Variants in LAMB1 observed in about 807,000 individuals in gnomAD.
LAMB1 encodes laminin subunit beta 1.
LAMB1 carries 121 observed loss-of-function variants against 222.3 expected under a neutral mutation model. That is an observed-to-expected ratio of 0.54 (90% confidence interval 0.47 to 0.63). The LOEUF is 0.63. LAMB1 is among the 30% of genes least tolerant of loss of function. The pLI is 0.00. For synonymous variants in LAMB1, 794 were observed against 807.2 expected, an observed-to-expected ratio of 0.98 and a Z score of 0.28; for missense variants, 2,172 against 2,240.8, an observed-to-expected ratio of 0.97 and a Z score of 0.62.
In LAMB1 at chr7:107,936,945, T is replaced by G. The variant is rs10249141; in HGVS notation, c.3946+148A>C. The G allele has an allele frequency of 0.21, 130,712 of 628,724 alleles. 16,063 individuals are homozygous for G. The highest frequency in any genetic ancestry group is 0.51 in the East Asian group (17,962 of 35,292). 38.9% of individuals were successfully genotyped at this position (628,724 alleles called of 1,614,324 possible). On this transcript the variant is annotated intron_variant, in intron 26 of 33. Coordinates refer to ENST00000222399, the MANE Select transcript of LAMB1 (RefSeq NM_002291.3). ...GTCCCACATTTGTAAAATGGGGACT[T>G]TGATCCTCATTTGTGCCAGAAACTG...
At chr7:108,001,427 C>A in intron 3 of LAMB1, 131 bp downstream of exon 3, 1 of 1,016,506 alleles carries the variant, frequency 9.8e-7, no homozygotes, top group Non-Finnish European at 1.4e-6. Context: ...CAAGCCTAAT[C>A]CCGGGACTCC....
chr7:107,958,097 T>C (rs1235321667), intron 20 of LAMB1, among the ~76,000 whole-genome samples: 2 of 152,220 alleles, frequency 1.3e-5, no homozygotes, highest in African/African-American at 4.8e-5. Flanking sequence ...TGTTAATCTT[T>C]TTCTCATGTC....
intron 3 of LAMB1, among the ~76,000 whole-genome samples, chr7:108,000,176 C>T (rs907373771): frequency 6.7e-6 from 1 of 148,770 alleles, no homozygotes; most frequent in African/African-American, 2.5e-5. Flanking sequence ...GAAACTAGTA[C>T]TGGAGAACAA....
At chr7:107,982,358 A>G (rs572054487) in intron 7 of LAMB1, among the ~76,000 whole-genome samples, 4 of 152,236 alleles carry the variant, frequency 2.6e-5, no homozygotes, top group Non-Finnish European at 2.9e-5. Flanking sequence ...GGCCCAGTAC[A>G]TCAGATATTT....
chr7:107,996,422 C>G (rs186002671), intron 4 of LAMB1, among the ~76,000 whole-genome samples: 23 of 152,284 alleles, frequency 1.5e-4, no homozygotes, highest in Non-Finnish European at 2.9e-4. Context: ...ACATTCCAAG[C>G]TCGTTTCTGT....
intron 5 of LAMB1, among the ~76,000 whole-genome samples, chr7:107,993,247 C>T (rs2034219215): frequency 6.6e-6 from 1 of 152,186 alleles, no homozygotes; most frequent in South Asian, 2.1e-4. Context: ...GATTCTCCTG[C>T]CTCGGCCTCC....
In LAMB1 at chr7:107,953,669, G is replaced by A; in HGVS notation, c.2940C>T (p.Asn980=). 6.2e-7 allele frequency: 1 copy of A among 1,614,164 alleles called. No individual in the cohort carries two copies. Among genetic ancestry groups the A allele is most frequent in the Non-Finnish European group, 8.5e-7 (1 of 1,180,014 alleles). The part of the protein sequence containing the change: ...GGSCQPCQCH[N]NIDTTDPEAC... ...CTTCTGGGTCTGTCGTGTCAATGTT[G>A]TTGTGACACTGGCAAGGCTGACACG... Residue 980 remains asparagine, a synonymous_variant, in exon 22 of 34, where the codon AAC becomes AAT. Coordinates refer to ENST00000222399, the MANE Select transcript of LAMB1 (RefSeq NM_002291.3).
chr7:107,960,991 G>C (rs2033485515), intron 17 of LAMB1, among the ~76,000 whole-genome samples: 1 of 152,196 alleles, frequency 6.6e-6, no homozygotes, highest in African/African-American at 2.4e-5. Flanking sequence ...ACTACGCCTA[G>C]TGAAATGCTG....
At chr7:107,945,536 GT>G (rs2033096806) in intron 24 of LAMB1, among the ~76,000 whole-genome samples, 1 of 152,198 alleles carries the variant, frequency 6.6e-6, no homozygotes. Flanking sequence ...TGTTGTCTGT[GT>G]TGTCCTTTAG....
At chr7:107,971,325 G>T (rs929888727) in intron 13 of LAMB1, among the ~76,000 whole-genome samples, 1 of 152,040 alleles carries the variant, frequency 6.6e-6, no homozygotes, top group South Asian at 2.1e-4. Context: ...TACCTACAAC[G>T]TATTTCTTTT....
rs2032706108 is a variant in LAMB1, at chr7:107,931,371, T to C, written c.4522A>G (p.Arg1508Gly). The C allele has an allele frequency of 6.2e-7, 1 of 1,612,918 alleles. No individual in the cohort carries two copies. The part of the protein sequence containing the change: ...EELRNLIKQI[R>G]NFLTQDSADL... ...AATTTCTTACGGGTCAAAAAGTTTCTGATTTGCTTGATTAGATTTCTCAGC... is the reference window on the plus strand; with the variant it reads ...AATTTCTTACGGGTCAAAAAGTTTCCGATTTGCTTGATTAGATTTCTCAGC... The change falls in exon 29 of 34, where the codon AGA becomes GGA. Residue 1508 changes from arginine (R) to glycine (G), a missense_variant. By Grantham distance (125) the Arg-to-Gly change is moderately radical (BLOSUM62 -2). Coordinates refer to ENST00000222399, the MANE Select transcript of LAMB1 (RefSeq NM_002291.3).
chr7:107,976,462 C>T (rs949342092), intron 9 of LAMB1, among the ~76,000 whole-genome samples: 10 of 152,188 alleles, frequency 6.6e-5, no homozygotes, highest in Non-Finnish European at 1.0e-4. Context: ...CGAGCCCATT[C>T]GGCGGTCATC....
At chr7:107,956,979 T>C (rs1171169692) in intron 20 of LAMB1, among the ~76,000 whole-genome samples, 2 of 152,242 alleles carry the variant, frequency 1.3e-5, no homozygotes, top group Non-Finnish European at 2.9e-5. Context: ...TTTTACTATG[T>C]TAGCCTGCTT....
intron 32 of LAMB1, among the ~76,000 whole-genome samples, chr7:107,924,988 T>G (rs1562925000): frequency 6.6e-6 from 1 of 152,176 alleles, no homozygotes; most frequent in Non-Finnish European, 1.5e-5. Flanking sequence ...TCTCTTGTGA[T>G]AAAATGTCAT....
chr7:107,966,268 T>C (rs1315344474), intron 13 of LAMB1, among the ~76,000 whole-genome samples: 2 of 152,016 alleles, frequency 1.3e-5, no homozygotes, highest in African/African-American at 4.8e-5. Context: ...TGGAGTACAG[T>C]GGAACGATCT....
At chr7:107,970,843 C>A (rs1012329301) in intron 13 of LAMB1, among the ~76,000 whole-genome samples, 1 of 151,960 alleles carries the variant, frequency 6.6e-6, no homozygotes, top group Non-Finnish European at 1.5e-5. Context: ...GCGATTCTCC[C>A]TGCCTCAGCC....
chr7:107,962,707 C>CAAAAAAA (rs57580761), intron 15 of LAMB1, among the ~76,000 whole-genome samples, 198 bp downstream of exon 15: 4 of 98,692 alleles, frequency 4.1e-5, no homozygotes, highest in Admixed American at 1.1e-4. Context: ...GAGCGAGACT[C>CAAAAAAA]AAAAAAAAAA....
Position 107,953,723 on chromosome 7 carries a change from G to A in LAMB1, c.2886C>T (p.Tyr962=), listed in dbSNP as rs756493562. The A allele has an allele frequency of 6.2e-7, 1 of 1,614,054 alleles. No individual in the cohort carries two copies. Among genetic ancestry groups the A allele is most frequent in the East Asian group, 2.2e-5 (1 of 44,896 alleles). The change falls in exon 22 of 34, where the codon TAC becomes TAT. Residue 962 remains tyrosine (Y), a synonymous_variant. Coordinates refer to ENST00000222399, the MANE Select transcript of LAMB1 (RefSeq NM_002291.3). ...CCCCAACTTCTGATGGATTGCCAAAGTATCCTGAGGCACAGTCGTCACATC... is the reference window on the plus strand; with the variant it reads ...CCCCAACTTCTGATGGATTGCCAAAATATCCTGAGGCACAGTCGTCACATC... ...GSRCDDCASG[Y]FGNPSEVGGS...
chr7:107,983,532 T>C (rs541802671), intron 7 of LAMB1, among the ~76,000 whole-genome samples: 1 of 151,662 alleles, frequency 6.6e-6, no homozygotes, highest in South Asian at 2.1e-4. Context: ...TCCAGGACTT[T>C]GTGACTCCAA....
Sources: gnomAD v4.1 joint callset for allele counts (sites outside exome capture counted in the v4.1 genomes callset) on GRCh38, gnomAD v4.1.1 for gene constraint, MANE v1.5 for transcripts, NCBI Gene and HGNC (gene_info 2026-07-23, HGNC 2026-07-21) for gene names.